OLFML2A: variants seen among roughly 807,000 people sequenced by gnomAD.
The protein encoded by OLFML2A is olfactomedin-like protein 2A.
A neutral mutation model predicts 60.9 loss-of-function variants in OLFML2A; 47 were observed. The ratio of observed to expected loss-of-function variants is 0.77; its 90% confidence interval spans 0.61 to 0.98. OLFML2A has a LOEUF of 0.98. Ranked by LOEUF, OLFML2A falls within the 50% of genes least tolerant of loss-of-function variation. The pLI is 0.00. For missense variants in OLFML2A, 922 were observed against 879.8 expected (o/e 1.05, Z -0.61); for synonymous variants, 372 against 375.0 (o/e 0.99, Z 0.09).
chr9:124,796,011 G>C (rs4836992), intron 3 of OLFML2A, among the ~76,000 whole-genome samples: 59,321 of 152,102 alleles, frequency 0.39, 14,118 homozygotes, highest in Admixed American at 0.56. Context: ...CTCTGCTGGC[G>C]CAGCCTCACC....
Position 124,809,863 on chromosome 9 carries a change from G to A in OLFML2A, c.1410G>A (p.Val470=). The change falls in exon 8 of 8, where the codon GTG becomes GTA. Residue 470 remains valine, a synonymous_variant. Transcript: ENST00000373580. ...ACAACTGGATCGGCACAGGCCACGT[G>A]GTGTACCAGGGCGCCTTCTACTACA... is the stretch of plus-strand genomic sequence containing the variant. The part of the protein sequence containing the change: ...LPYNWIGTGH[V]VYQGAFYYNR... The A allele has an allele frequency of 1.9e-6, 3 of 1,614,058 alleles. No individual in the cohort carries two copies. In the African/African-American group the frequency reaches 4.0e-5, roughly 22 times the overall value.
rs377027853 is a variant in OLFML2A at position 124,786,720 on chromosome 9, C to CA, written c.91-243dup. Among the ~76,000 whole-genome samples the CA allele has an allele frequency of 7.0e-3, 896 of 128,670 alleles. 11 individuals carry two copies. The highest frequency in any genetic ancestry group is 0.02 in the African/African-American group (686 of 34,764). The allele number at this position is 128,670 out of a possible 152,430, so 84.4% of individuals were successfully genotyped here. A position where few individuals can be genotyped will look rare whatever the true frequency, so the allele number is the denominator to read the frequency against. Reference sequence around the variant, plus strand: ...TGGGCGACAGAGCAAGACTCCGTCTCAAAAAAAAAAAATACACGCAGAGAC... The same window carrying CA: ...TGGGCGACAGAGCAAGACTCCGTCTCAAAAAAAAAAAAATACACGCAGAGAC... On this transcript the variant is annotated intron_variant, in intron 1 of 7. Coordinates refer to ENST00000373580, the MANE Select transcript of OLFML2A (RefSeq NM_182487.4).
At position 124,807,876 on chromosome 9, in the gene OLFML2A, C is replaced by G. The variant is rs757968687; in HGVS notation, c.1264C>G (p.Pro422Ala). 2.4e-5 allele frequency: 39 copies of G among 1,613,982 alleles called. No homozygotes were observed. Among genetic ancestry groups the G allele is most frequent in the African/African-American group, 4.0e-5 (3 of 74,910 alleles). Residue 422 changes from proline (P) to alanine (A), a missense_variant, in exon 7 of 8, where the codon CCT becomes GCT. Coordinates refer to ENST00000373580, the MANE Select transcript of OLFML2A (RefSeq NM_182487.4). ...CCACGAGGGAGCCTGGATGAAGGAC[C>G]CTGCAGCTCGAGACGACAGGATCTA... ...GRHEGAWMKDPAARDDRIYVT... is the reference protein window; with the variant it reads ...GRHEGAWMKDAAARDDRIYVT...
In OLFML2A at chr9:124,810,269, A is replaced by ACGGGCACCGACGCACGCCCC; in HGVS notation, c.1818_1837dup (p.Gln613ArgfsTer89). On this transcript the variant is annotated frameshift_variant, in exon 8 of 8. Transcript: ENST00000373580. LOFTEE classifies it high-confidence loss of function. ...GGTCGCCTACGCTTTCGACACGCAC[A>ACGGGCACCGACGCACGCCCC]CGGGCACCGACGCACGCCCCCAGCT... 6.2e-7 allele frequency: 1 copy of ACGGGCACCGACGCACGCCCC among 1,611,082 alleles called. No homozygotes were observed. Among genetic ancestry groups the ACGGGCACCGACGCACGCCCC allele is most frequent in the Non-Finnish European group, 8.5e-7 (1 of 1,179,950 alleles).
intron 7 of OLFML2A, among the ~76,000 whole-genome samples, chr9:124,808,415 G>T (rs1429731016): frequency 1.3e-5 from 2 of 152,192 alleles, no homozygotes; most frequent in Admixed American, 1.3e-4. Flanking sequence ...CTGGGCAGGG[G>T]CCAGGATGGA....
At chr9:124,778,230 G>A (rs1007623584) in intron 1 of OLFML2A, among the ~76,000 whole-genome samples, 1 of 151,936 alleles carries the variant, frequency 6.6e-6, no homozygotes, top group South Asian at 2.1e-4. Context: ...GCATGGTGGT[G>A]GGCGCCTGTA....
chr9:124,795,118 A>T lies in OLFML2A; in HGVS notation c.449A>T (p.Asn150Ile), dbSNP rs1209027012. 1.3e-6 allele frequency: 2 copies of T among 1,593,492 alleles called. No individual in the cohort carries two copies. Among genetic ancestry groups the T allele is most frequent in the East Asian group, 4.5e-5 (2 of 44,582 alleles). The change falls in exon 3 of 8, where the codon AAC (asparagine) becomes ATC (isoleucine). Residue 150 changes from asparagine (N) to isoleucine (I), a missense_variant. By Grantham distance (149) the Asn-to-Ile change is moderately radical. Transcript: ENST00000373580. ...GTCCACAAGGTGGCCTCCCAGATGA[A>T]CACACTGGAAGAGGTAAGGGCGGGG... Reference protein sequence around the residue: ...AYVHKVASQMNTLEESIKANL... With the variant: ...AYVHKVASQMITLEESIKANL...
intron 6 of OLFML2A, among the ~76,000 whole-genome samples, chr9:124,806,667 C>T (rs1323718874): frequency 6.6e-6 from 1 of 151,928 alleles, no homozygotes; most frequent in Non-Finnish European, 1.5e-5. Context: ...TGTCACCCGG[C>T]TGGAGTGCAA....
At position 124,799,422 on chromosome 9, in the gene OLFML2A, C is replaced by T. The variant is rs1196208647; in HGVS notation, c.600C>T (p.Leu200=). Residue 200 remains leucine, a synonymous_variant, in exon 4 of 8, where the codon CTC becomes CTT. Coordinates refer to ENST00000373580, the MANE Select transcript of OLFML2A (RefSeq NM_182487.4). ...GIKKELSRLG[L]QLLQKDAAAA... ...AGAAGGAGCTGTCCCGCCTGGGCCTCCAGCTGCTGCAGAAGGATGCCGCCG... is the reference window on the plus strand; with the variant it reads ...AGAAGGAGCTGTCCCGCCTGGGCCTTCAGCTGCTGCAGAAGGATGCCGCCG... 1 of 1,613,392 alleles carries T rather than the reference C, an allele frequency of 6.2e-7. No homozygotes were observed. The highest frequency in any genetic ancestry group is 1.1e-5 in the South Asian group (1 of 91,000).
intron 5 of OLFML2A, among the ~76,000 whole-genome samples, chr9:124,803,016 C>T (rs376600929): frequency 6.6e-6 from 1 of 152,138 alleles, no homozygotes; most frequent in African/African-American, 2.4e-5. Flanking sequence ...TCAAGCAATT[C>T]TCTCGCCTCA....
chr9:124,792,911 G>T (rs1421162372), intron 2 of OLFML2A, among the ~76,000 whole-genome samples: 1 of 127,738 alleles, frequency 7.8e-6, no homozygotes, highest in African/African-American at 2.8e-5. Flanking sequence ...AGCCCCAGGG[G>T]TCCCATGCAG....
In OLFML2A at chr9:124,810,481, T is replaced by C; in HGVS notation, c.*69T>C. On this transcript the variant is annotated 3_prime_UTR_variant, in exon 8 of 8. Coordinates refer to ENST00000373580, the MANE Select transcript of OLFML2A (RefSeq NM_182487.4). ...GGCTTTGCACAGCAGCTCCTGCAAC[T>C]GACCCAGTCCGCAAATATTTATTGG... The C allele has an allele frequency of 6.9e-7, 1 of 1,449,336 alleles. No individual in the cohort carries two copies. Among genetic ancestry groups the C allele is most frequent in the African/African-American group, 1.4e-5 (1 of 70,988 alleles). 89.8% of individuals were successfully genotyped at this position (1,449,336 alleles called of 1,614,324 possible).
chr9:124,781,564 T>C (rs1347682894), intron 1 of OLFML2A, among the ~76,000 whole-genome samples: 1 of 152,006 alleles, frequency 6.6e-6, no homozygotes, highest in African/African-American at 2.4e-5. Context: ...GAGCCCAAGG[T>C]GGGCAGATCA....
intron 3 of OLFML2A, among the ~76,000 whole-genome samples, chr9:124,796,630 C>G (rs997952909): frequency 1.3e-5 from 2 of 152,198 alleles, no homozygotes; most frequent in African/African-American, 4.8e-5. Context: ...GGGGAGAGAA[C>G]AGCCTCACTT....
intron 3 of OLFML2A, 44 bp from the exon 4 acceptor site, chr9:124,799,241 G>T: frequency 7.2e-7 from 1 of 1,396,628 alleles, no homozygotes; most frequent in Non-Finnish European, 1.0e-6. Context: ...GGGGTTCAGA[G>T]GAAGCTGGCC....
At chr9:124,793,712 T>G (rs77322615) in intron 2 of OLFML2A, among the ~76,000 whole-genome samples, 1 of 152,314 alleles carries the variant, frequency 6.6e-6, no homozygotes, top group Non-Finnish European at 1.5e-5. Flanking sequence ...CAGAGATTCA[T>G]GTGCAAGTGA....
chr9:124,785,555 G>A lies in OLFML2A; in HGVS notation c.91-1420G>A, dbSNP rs1418039502. ...TGGGACCACAGGCGCCCGCCATCAC[G>A]CCCGGCTAATTTTTTGTATTTTGTT... On this transcript the variant is annotated intron_variant, in intron 1 of 7. Coordinates refer to ENST00000373580, the MANE Select transcript of OLFML2A (RefSeq NM_182487.4). Among the ~76,000 whole-genome samples, 8 of 151,574 alleles carry A rather than the reference G, an allele frequency of 5.3e-5. No individual in the cohort carries two copies. The East Asian group carries it at 5.8e-4, about 11-fold the overall frequency.
intron 4 of OLFML2A, among the ~76,000 whole-genome samples, chr9:124,800,088 G>A (rs1251441013): frequency 2.0e-5 from 3 of 152,218 alleles, no homozygotes; most frequent in Non-Finnish European, 2.9e-5. Flanking sequence ...TGTGATAAAC[G>A]TCCTCTCTGT....
intron 6 of OLFML2A, among the ~76,000 whole-genome samples, chr9:124,805,617 G>A (rs906089662): frequency 1.3e-4 from 20 of 152,190 alleles, no homozygotes; most frequent in African/African-American, 4.6e-4. Context: ...TTGGATGGGA[G>A]AATGGTGGGA....
Sources: allele counts gnomAD v4.1 joint callset (sites outside exome capture counted in the v4.1 genomes callset), GRCh38; gene constraint gnomAD v4.1.1; transcripts MANE v1.5; gene names NCBI Gene and HGNC (gene_info 2026-07-23, HGNC 2026-07-21).